Variants in ABR observed in about 807,000 individuals in gnomAD.
ABR encodes the protein active breakpoint cluster region-related protein.
In ABR, 35 loss-of-function variants were observed where a neutral mutation model predicts 107.2. The observed-to-expected ratio is 0.33, with a 90% CI of 0.25 to 0.43. ABR has a LOEUF of 0.43. Among genes scored for constraint, ABR ranks in the 20% least tolerant of loss-of-function variants. The pLI, the probability that ABR is intolerant of heterozygous loss-of-function variation, is 1.00. For missense variants in ABR, 815 were observed against 1,115.2 expected (o/e 0.73, Z 3.83); for synonymous variants, 498 against 462.0 (o/e 1.08, Z -1.00).
At chr17:1,035,382 C>G (rs2073093076) in intron 16 of ABR, among the ~76,000 whole-genome samples, 1 of 132,468 alleles carries the variant, frequency 7.5e-6, no homozygotes, top group South Asian at 2.7e-4. Flanking sequence ...CTCCCCCACC[C>G]CTTCCATCCC....
At chr17:1,185,733 C>G (rs543302976) in intron 1 of ABR, among the ~76,000 whole-genome samples, 138 of 151,292 alleles carry the variant, frequency 9.1e-4, no homozygotes, top group Non-Finnish European at 1.2e-3. Flanking sequence ...CTCCTATGAG[C>G]ACTAGCAGAA....
chr17:1,223,340 C>T (rs925070189), intron 1 of ABR, among the ~76,000 whole-genome samples: 4 of 140,442 alleles, frequency 2.8e-5, no homozygotes, highest in African/African-American at 1.0e-4. Flanking sequence ...GACACGAATA[C>T]CCTCCATCGT....
At chr17:1,098,213 C>T (rs1306401629) in intron 3 of ABR, among the ~76,000 whole-genome samples, 5 of 152,066 alleles carry the variant, frequency 3.3e-5, no homozygotes, top group Admixed American at 2.0e-4. Context: ...GCTGGGACTA[C>T]AGGTGCTCGC....
At chr17:1,006,733 C>T (rs1358579080) in intron 22 of ABR, among the ~76,000 whole-genome samples, 1 of 152,052 alleles carries the variant, frequency 6.6e-6, no homozygotes, top group African/African-American at 2.4e-5. Context: ...AGGGGCTGGT[C>T]TCACCCTCCG....
At chr17:1,108,252 C>G (rs923495571) in intron 2 of ABR, among the ~76,000 whole-genome samples, 4 of 152,254 alleles carry the variant, frequency 2.6e-5, no homozygotes, top group Non-Finnish European at 5.9e-5. Context: ...CGGCGTGGTT[C>G]CGGGGCCGCC....
At chr17:1,219,512 G>A (rs2043076636) in intron 1 of ABR, among the ~76,000 whole-genome samples, 1 of 148,770 alleles carries the variant, frequency 6.7e-6, no homozygotes, top group African/African-American at 2.5e-5. Flanking sequence ...TCATTTTTGC[G>A]GTCCTTATTT....
rs1567662050 is a variant in ABR at position 1,054,495 on chromosome 17, A to AC, written c.1561+1539_1561+1540insG. 1.8e-4 allele frequency among the ~76,000 whole-genome samples: 26 copies of AC among 142,232 alleles called. 1 individual carries two copies. The highest frequency in any genetic ancestry group is 7.1e-4 in the African/African-American group (24 of 33,880). 93.3% of individuals were successfully genotyped at this position (142,232 alleles called of 152,430 possible). ...AGGGGATGGGGGCACAAGGAACCTC[A>AC]AAGGGATGGGGATACAAGGAACCTC... On this transcript the variant is annotated intron_variant, in intron 14 of 22. Transcript: ENST00000302538.
intron 16 of ABR, among the ~76,000 whole-genome samples, chr17:1,026,844 A>G (rs2150874360): frequency 6.6e-6 from 1 of 152,332 alleles, no homozygotes; most frequent in South Asian, 2.1e-4. Context: ...CACTCAGCAG[A>G]GGGCCAGGCC....
At chr17:1,020,530 C>T (rs189511190) in intron 16 of ABR, among the ~76,000 whole-genome samples, 16 of 152,314 alleles carry the variant, frequency 1.1e-4, no homozygotes, top group South Asian at 2.1e-4. Context: ...GCAGGGGCAC[C>T]GGGTTGAAAT....
At chr17:1,099,987 C>T (rs1444243112) in intron 3 of ABR, among the ~76,000 whole-genome samples, 3 of 152,094 alleles carry the variant, frequency 2.0e-5, no homozygotes, top group Non-Finnish European at 4.4e-5. Flanking sequence ...TTAGCCAGGA[C>T]TGGTGGCGTG....
chr17:1,006,232 C>G, intron 22 of ABR, 63 bp from the exon 23 acceptor site: 1 of 1,420,068 alleles, frequency 7.0e-7, no homozygotes, highest in Non-Finnish European at 9.7e-7. Flanking sequence ...TTGCTGACTC[C>G]AGCCTGTGTT....
intron 2 of ABR, among the ~76,000 whole-genome samples, chr17:1,121,609 G>A (rs1555592177): frequency 3.6e-4 from 53 of 146,606 alleles, no homozygotes; most frequent in Non-Finnish European, 6.9e-4. Flanking sequence ...TGGGAGCTGA[G>A]TCCCCAAGGC....
At position 1,106,267 on chromosome 17, in the gene ABR, G is replaced by A. The variant is rs146214579; in HGVS notation, c.247-5532C>T. ...TTATGGGCCTGGCACTTGGGCACATGCTCACAACGCAACTGCTGCTTAAGG... is the reference window on the plus strand; with the variant it reads ...TTATGGGCCTGGCACTTGGGCACATACTCACAACGCAACTGCTGCTTAAGG... On this transcript the variant is annotated intron_variant, in intron 2 of 22. Coordinates refer to ENST00000302538, the MANE Select transcript of ABR (RefSeq NM_021962.5). 3.9e-3 allele frequency among the ~76,000 whole-genome samples: 587 copies of A among 152,224 alleles called. 3 individuals are homozygous for A. The highest frequency in any genetic ancestry group is 0.013 in the African/African-American group (557 of 41,512).
upstream of ABR, among the ~76,000 whole-genome samples, chr17:1,187,739 C>T (rs2042340294): frequency 6.6e-6 from 1 of 150,640 alleles, no homozygotes. Flanking sequence ...TAAAAAAATA[C>T]AAAAAGTAGC....
intron 16 of ABR, chr17:1,031,691 T>C: frequency 8.0e-7 from 1 of 1,252,390 alleles, no homozygotes; most frequent in Non-Finnish European, 1.0e-6. Flanking sequence ...GCGCCAGGGG[T>C]TCGCGCCCCG....
In ABR at chr17:1,095,362, A is replaced by AC. The variant is rs563771501; in HGVS notation, c.346-3513dup. On this transcript the variant is annotated intron_variant, in intron 3 of 22. Coordinates refer to ENST00000302538, the MANE Select transcript of ABR (RefSeq NM_021962.5). ...AGATGGTTCTCATGACACGATGGGG[A>AC]CCTTGGCTGTTACTCCTGATTTCAC... Among the ~76,000 whole-genome samples, 14 of 152,114 alleles carry AC rather than the reference A, an allele frequency of 9.2e-5. No individual in the cohort carries two copies. In the East Asian group the frequency reaches 2.7e-3, roughly 29 times the overall value.
chr17:1,161,593 A>G (rs1441061301), intron 1 of ABR, among the ~76,000 whole-genome samples: 1 of 140,240 alleles, frequency 7.1e-6, no homozygotes, highest in African/African-American at 2.7e-5. Context: ...CTCACTCTGT[A>G]GCCCAGGCTG....
chr17:1,012,800 G>T lies in ABR; in HGVS notation c.1852-3C>A. 1 of 1,572,146 alleles carries T rather than the reference G, an allele frequency of 6.4e-7. No individual in the cohort carries two copies. ...TTCATGGAAAATTCCACTTTGATCT[G>T]GTTGGGGGGTGAGGCAGGTAAAGAT... On this transcript the variant is annotated splice_polypyrimidine_tract_variant and splice_region_variant and intron_variant, in intron 17 of 22. Transcript: ENST00000302538.
At chr17:1,045,563 A>G (rs1307050600) in intron 16 of ABR, among the ~76,000 whole-genome samples, 1 of 152,150 alleles carries the variant, frequency 6.6e-6, no homozygotes, top group Non-Finnish European at 1.5e-5. Context: ...TCCTGGGCAC[A>G]TGGCCTTGTC....
Sources: gnomAD v4.1 joint callset for allele counts (sites outside exome capture counted in the v4.1 genomes callset) on GRCh38, gnomAD v4.1.1 for gene constraint, MANE v1.5 for transcripts, NCBI Gene and HGNC (gene_info 2026-07-23, HGNC 2026-07-21) for gene names.